Variants in ZSCAN4 observed in about 807,000 individuals in gnomAD.
ZSCAN4 encodes the protein zinc finger and SCAN domain-containing protein 4.
ZSCAN4 carries 18 observed loss-of-function variants against 18.3 expected under a neutral mutation model. The observed-to-expected ratio is 0.98, with a 90% CI of 0.68 to 1.46. The LOEUF (loss-of-function observed/expected upper bound fraction) is 1.46, where lower values mean the gene tolerates loss of function less well. Among genes scored for constraint, ZSCAN4 ranks in the 40% most tolerant of loss-of-function variants. The pLI, the probability that ZSCAN4 is intolerant of heterozygous loss-of-function variation, is 0.00. For missense variants in ZSCAN4, 498 were observed against 511.4 expected, an observed-to-expected ratio of 0.97 and a Z score of 0.25; for synonymous variants, 193 against 180.3, an observed-to-expected ratio of 1.07 and a Z score of -0.57.
upstream of ZSCAN4, chr19:57,664,738 C>G (rs1197971774): frequency 9.0e-6 from 2 of 221,494 alleles, no homozygotes; most frequent in Non-Finnish European, 1.9e-5. Flanking sequence ...GCGAAGTCGC[C>G]TTTCCTTCTT....
chr19:57,677,990 C>A, exon 4 of ZSCAN4: 1 of 1,602,490 alleles, frequency 6.2e-7, no homozygotes. Flanking sequence ...GTTCATCTCA[C>A]AAAACAAGTG....
chr19:57,667,876 G>GT (rs199974719), upstream of ZSCAN4, among the ~76,000 whole-genome samples: 816 of 148,698 alleles, frequency 5.5e-3, 9 homozygotes, highest in African/African-American at 0.017. Flanking sequence ...ATTTTTCATT[G>GT]TTTTTTTTTT....
chr19:57,653,390 GAAAAAAA>G, the ZSCAN4 span, among the ~76,000 whole-genome samples: 19 of 76,474 alleles, frequency 2.5e-4, no homozygotes, highest in African/African-American at 6.1e-4. Flanking sequence ...CCATCTCAAA[GAAAAAAA>G]AAAAAAAAAA....
chr19:57,678,521 T>C (rs774304559), exon 5 of ZSCAN4: 1 of 1,614,182 alleles, frequency 6.2e-7, no homozygotes, highest in Non-Finnish European at 8.5e-7. Context: ...AAGGATCCCA[T>C]GGAGTCCAAA....
At chr19:57,665,015 G>C, upstream of ZSCAN4, 1 of 167,202 alleles carries the variant, frequency 6.0e-6, no homozygotes. Flanking sequence ...TTCCATGACT[G>C]ACCAGGGGCA....
upstream of ZSCAN4, among the ~76,000 whole-genome samples, chr19:57,668,186 G>A (rs1429412788): frequency 1.3e-5 from 2 of 152,118 alleles, no homozygotes; most frequent in Non-Finnish European, 2.9e-5. Flanking sequence ...TTACAGGCAT[G>A]AGCCACTGCG....
chr19:57,678,366 G>A, exon 5 of ZSCAN4: 10 of 1,614,164 alleles, frequency 6.2e-6, no homozygotes, highest in Non-Finnish European at 7.6e-6. Context: ...TAGATCTCAG[G>A]AAGGGTCCAT....
chr19:57,666,574 C>CA (rs10553956), upstream of ZSCAN4, among the ~76,000 whole-genome samples: 628 of 141,186 alleles, frequency 4.4e-3, 1 homozygote, highest in South Asian at 0.012. Flanking sequence ...TATTTTTTCT[C>CA]AAAAAAAAAA....
Position 57,669,213 on chromosome 19 carries a change from A to C in ZSCAN4, c.-429+10A>C, listed in dbSNP as rs1600002918. ...GTAGCTGGGATTACAGGTGCATGCT[A>C]CCACGCCCAGATAATTTTTGTATTT... On this transcript the variant is annotated intron_variant, in intron 1 of 4. Coordinates refer to ENST00000318203, the Ensembl canonical transcript of ZSCAN4. 1 of 151,402 alleles carries C rather than the reference A, an allele frequency of 6.6e-6. No homozygotes were observed. The highest frequency in any genetic ancestry group is 2.1e-4 in the South Asian group (1 of 4,802). 9.4% of individuals were successfully genotyped at this position (151,402 alleles called of 1,614,324 possible).
At chr19:57,652,385 T>C in the ZSCAN4 span, among the ~76,000 whole-genome samples, 1 of 152,172 alleles carries the variant, frequency 6.6e-6, no homozygotes, top group South Asian at 2.1e-4. Context: ...CGGGGTGCCC[T>C]ATATTCAGGC....
the ZSCAN4 span, among the ~76,000 whole-genome samples, chr19:57,660,663 T>C: frequency 6.6e-6 from 1 of 152,214 alleles, no homozygotes; most frequent in African/African-American, 2.4e-5. Context: ...CAGATAATTA[T>C]ATTTCTAAAA....
intron 2 of ZSCAN4, among the ~76,000 whole-genome samples, chr19:57,674,853 G>C (rs577440272): frequency 6.6e-6 from 1 of 151,984 alleles, no homozygotes; most frequent in South Asian, 2.1e-4. Context: ...TTATTTCACT[G>C]GTTAGGGAGC....
upstream of ZSCAN4, among the ~76,000 whole-genome samples, chr19:57,667,255 G>C (rs972707974): frequency 6.6e-6 from 1 of 152,146 alleles, no homozygotes; most frequent in African/African-American, 2.4e-5. Context: ...GTTTCCCCAA[G>C]GATAAATCCT....
At chr19:57,664,594 G>C (rs1031910897), upstream of ZSCAN4, 1 of 163,394 alleles carries the variant, frequency 6.1e-6, no homozygotes, top group African/African-American at 2.4e-5. Context: ...GCGCTCAGCG[G>C]TAAAGACGGC....
chr19:57,658,196 C>T, the ZSCAN4 span, among the ~76,000 whole-genome samples: 1 of 152,092 alleles, frequency 6.6e-6, no homozygotes, highest in Non-Finnish European at 1.5e-5. Flanking sequence ...TAATCTGAAT[C>T]TCAAAAGCAC....
At chr19:57,663,972 C>G (rs1315392137), upstream of ZSCAN4, among the ~76,000 whole-genome samples, 1 of 151,852 alleles carries the variant, frequency 6.6e-6, no homozygotes, top group East Asian at 1.9e-4. Flanking sequence ...ACTAAAAACA[C>G]CAAAAAACAA....
chr19:57,666,901 T>TTATTAA (rs1221445662), upstream of ZSCAN4, among the ~76,000 whole-genome samples: 3 of 151,916 alleles, frequency 2.0e-5, no homozygotes, highest in African/African-American at 4.8e-5. Context: ...CAGGTTTTTA[T>TTATTAA]TATTATTATT....
At chr19:57,653,024 G>C in the ZSCAN4 span, among the ~76,000 whole-genome samples, 10 of 152,160 alleles carry the variant, frequency 6.6e-5, no homozygotes, top group South Asian at 2.1e-3. Flanking sequence ...GGCCTTCGTT[G>C]TCCCCAGAAC....
chr19:57,657,515 A>G, the ZSCAN4 span, among the ~76,000 whole-genome samples: 1 of 152,208 alleles, frequency 6.6e-6, no homozygotes, highest in Non-Finnish European at 1.5e-5. Context: ...GCTCTCATAC[A>G]TTGCTGGTGG....
Sources: allele counts gnomAD v4.1 joint callset (sites outside exome capture counted in the v4.1 genomes callset), GRCh38; gene constraint gnomAD v4.1.1; transcripts MANE v1.5; gene names NCBI Gene and HGNC (gene_info 2026-07-23, HGNC 2026-07-21).